NRXN3: variants seen among roughly 807,000 people sequenced by gnomAD.
The protein encoded by NRXN3 is neurexin III.
A neutral mutation model predicts 137.6 loss-of-function variants in NRXN3; 32 were observed. The ratio of observed to expected loss-of-function variants is 0.23; its 90% CI spans 0.18 to 0.31. The LOEUF is 0.31. Ranked by LOEUF, NRXN3 falls within the 10% of genes least tolerant of loss-of-function variation. The pLI is 1.00. For missense variants in NRXN3, 1,574 were observed against 2,062.5 expected, an observed-to-expected ratio of 0.76 and a Z score of 4.59; for synonymous variants, 798 against 784.5, an observed-to-expected ratio of 1.02 and a Z score of -0.29.
chr14:79,530,259 G>C (rs2097157761), intron 16 of NRXN3, among the ~76,000 whole-genome samples: 1 of 152,034 alleles, frequency 6.6e-6, no homozygotes, highest in Non-Finnish European at 1.5e-5. Flanking sequence ...GCAGCAGCGT[G>C]CACATAGTCA....
intron 8 of NRXN3, among the ~76,000 whole-genome samples, chr14:78,750,104 C>T (rs1052617331): frequency 2.0e-5 from 3 of 152,180 alleles, no homozygotes; most frequent in East Asian, 1.9e-4. Flanking sequence ...ATCTAGCTTC[C>T]GCTAATACCA....
At chr14:79,069,248 T>C (rs1220385621) in intron 15 of NRXN3, among the ~76,000 whole-genome samples, 2 of 152,170 alleles carry the variant, frequency 1.3e-5, no homozygotes, top group Admixed American at 6.6e-5. Context: ...ATTGGCTTCC[T>C]ATCTCCTATT....
intron 8 of NRXN3, among the ~76,000 whole-genome samples, chr14:78,787,327 G>A (rs963465811): frequency 6.6e-6 from 1 of 152,180 alleles, no homozygotes. Flanking sequence ...ACAACTGTGT[G>A]TGGAGCAGTT....
At chr14:79,829,443 T>G (rs561440893) in intron 20 of NRXN3, among the ~76,000 whole-genome samples, 1 of 152,354 alleles carries the variant, frequency 6.6e-6, no homozygotes, top group Admixed American at 6.5e-5. Flanking sequence ...CTTATAAAAA[T>G]TCATCACTTC....
At chr14:78,675,685 G>A (rs921478191) in intron 6 of NRXN3, among the ~76,000 whole-genome samples, 1 of 152,178 alleles carries the variant, frequency 6.6e-6, no homozygotes, top group African/African-American at 2.4e-5. Flanking sequence ...AGTGTCACAG[G>A]AAACAACTAT....
At chr14:79,325,452 TAG>T (rs1462016751) in intron 15 of NRXN3, among the ~76,000 whole-genome samples, 1 of 152,196 alleles carries the variant, frequency 6.6e-6, no homozygotes, top group Admixed American at 6.5e-5. Flanking sequence ...ATAATCCTGG[TAG>T]ATTCTAAAAC....
At chr14:79,346,635 C>G (rs141743549) in intron 15 of NRXN3, among the ~76,000 whole-genome samples, 2 of 152,104 alleles carry the variant, frequency 1.3e-5, no homozygotes, top group African/African-American at 4.8e-5. Context: ...AGGTCACTAC[C>G]CTCTGATCAC....
chr14:79,765,401 C>T (rs576133004), intron 19 of NRXN3, among the ~76,000 whole-genome samples: 1 of 152,168 alleles, frequency 6.6e-6, no homozygotes, highest in Non-Finnish European at 1.5e-5. Context: ...TTTTCTTTTT[C>T]TACTCTTCAC....
intron 4 of NRXN3, among the ~76,000 whole-genome samples, chr14:78,527,411 C>G (rs1238446933): frequency 6.6e-6 from 1 of 152,116 alleles, no homozygotes; most frequent in East Asian, 1.9e-4. Context: ...CTTGTAAGAG[C>G]TCACTTGCTA....
At chr14:78,883,644 A>G (rs1196458211) in intron 10 of NRXN3, among the ~76,000 whole-genome samples, 1 of 152,214 alleles carries the variant, frequency 6.6e-6, no homozygotes, top group Non-Finnish European at 1.5e-5. Flanking sequence ...CTCAGCTCAG[A>G]GACTGAACCA....
chr14:79,824,155 T>C (rs552137104), intron 20 of NRXN3, among the ~76,000 whole-genome samples: 1 of 152,292 alleles, frequency 6.6e-6, no homozygotes, highest in South Asian at 2.1e-4. Flanking sequence ...AAGATGCAGT[T>C]GCAGACAAGT....
intron 10 of NRXN3, among the ~76,000 whole-genome samples, chr14:78,936,187 C>T (rs2099338169): frequency 6.6e-6 from 1 of 152,176 alleles, no homozygotes; most frequent in Non-Finnish European, 1.5e-5. Context: ...CAAACACACC[C>T]ACCTTTCCAC....
At chr14:79,441,669 C>G (rs1467823979) in intron 15 of NRXN3, among the ~76,000 whole-genome samples, 1 of 151,898 alleles carries the variant, frequency 6.6e-6, no homozygotes, top group Non-Finnish European at 1.5e-5. Flanking sequence ...CGTGAGCCAC[C>G]ACACCCGACC....
intron 16 of NRXN3, among the ~76,000 whole-genome samples, chr14:79,496,239 A>T (rs10145289): frequency 0.45 from 62,662 of 140,080 alleles, 14,869 homozygotes; most frequent in African/African-American, 0.69. Flanking sequence ...TCTCTCTCTC[A>T]CACACACACA....
At chr14:79,444,573 C>T (rs1164441825) in intron 15 of NRXN3, among the ~76,000 whole-genome samples, 2 of 152,178 alleles carry the variant, frequency 1.3e-5, no homozygotes, top group Non-Finnish European at 2.9e-5. Flanking sequence ...ACTTGCAATC[C>T]CATTACTTTG....
intron 16 of NRXN3, among the ~76,000 whole-genome samples, chr14:79,627,637 A>G (rs1434512597): frequency 1.3e-5 from 2 of 152,196 alleles, no homozygotes; most frequent in Admixed American, 6.5e-5. Flanking sequence ...TTCAATGAAT[A>G]TGAGAAAGAA....
In NRXN3 at chr14:78,310,568, G is replaced by T. The variant is rs535797797; in HGVS notation, c.757+12708G>T. The stretch of plus-strand genomic sequence containing the variant: ...GTAATGAGTCTTTACAAATGCCTTG[G>T]CCCAAATTGTTACGAGTGAGGTTCT... On this transcript the variant is annotated intron_variant, in intron 4 of 20. Coordinates refer to ENST00000335750, the MANE Select transcript of NRXN3 (RefSeq NM_001330195.2). Among the ~76,000 whole-genome samples, 3 of 152,070 alleles carry T rather than the reference G, an allele frequency of 2.0e-5. No individual in the cohort carries two copies. In the South Asian group the frequency reaches 6.2e-4, roughly 32 times the overall value.
intron 4 of NRXN3, among the ~76,000 whole-genome samples, chr14:78,509,609 G>T (rs77154792): frequency 2.6e-5 from 4 of 152,062 alleles, no homozygotes; most frequent in African/African-American, 9.7e-5. Context: ...CCACAGACTT[G>T]GCCAGAGGAG....
At chr14:79,799,253 G>A (rs912960512) in intron 19 of NRXN3, among the ~76,000 whole-genome samples, 2 of 152,166 alleles carry the variant, frequency 1.3e-5, no homozygotes, top group African/African-American at 4.8e-5. Context: ...ATTTTAACAT[G>A]TAGTAGTATG....
Sources: gnomAD v4.1 joint callset for allele counts (sites outside exome capture counted in the v4.1 genomes callset) on GRCh38, gnomAD v4.1.1 for gene constraint, MANE v1.5 for transcripts, NCBI Gene and HGNC (gene_info 2026-07-23, HGNC 2026-07-21) for gene names.